Variants in EYS observed in about 807,000 individuals in gnomAD.
EYS encodes the protein protein eyes shut homolog.
A neutral mutation model predicts 282.1 loss-of-function variants in EYS; 250 were observed. The observed-to-expected ratio is 0.89, with a 90% confidence interval of 0.80 to 0.98. The LOEUF is 0.98. EYS is among the 50% of genes least tolerant of loss of function. EYS has a pLI of 0.00. For missense variants in EYS, 4,016 were observed against 3,709.0 expected, an observed-to-expected ratio of 1.08 and a Z score of -2.15; for synonymous variants, 1,355 against 1,282.9, an observed-to-expected ratio of 1.06 and a Z score of -1.20.
intron 2 of EYS, among the ~76,000 whole-genome samples, chr6:65,625,172 T>C (rs1351982050): frequency 6.6e-6 from 1 of 152,012 alleles, no homozygotes; most frequent in Non-Finnish European, 1.5e-5. Context: ...GACCTCAATC[T>C]CAAAATCAAA....
chr6:65,016,264 C>A (rs1325050517), intron 13 of EYS, among the ~76,000 whole-genome samples: 8 of 151,894 alleles, frequency 5.3e-5, no homozygotes, highest in Non-Finnish European at 1.5e-5. Context: ...TAGTACGTTA[C>A]TTTCAAATGT....
In EYS at chr6:64,904,639, G is replaced by A. The variant is rs1245463414; in HGVS notation, c.2642-2139C>T. Among the ~76,000 whole-genome samples, 5 of 152,074 alleles carry A rather than the reference G, an allele frequency of 3.3e-5. No homozygotes were observed. In the East Asian group the frequency reaches 9.6e-4, roughly 29 times the overall value. ...AAGTCTGGTTAGTTTTCTCTGGGAG[G>A]CAGGGCATTTTGACACTAAAATGAT... On this transcript the variant is annotated intron_variant, in intron 16 of 42. Coordinates refer to ENST00000503581, the MANE Select transcript of EYS (RefSeq NM_001142800.2).
At chr6:64,169,428 GGAGTTTT>G (rs951541478) in intron 31 of EYS, among the ~76,000 whole-genome samples, 2 of 49,718 alleles carry the variant, frequency 4.0e-5, no homozygotes, top group African/African-American at 1.1e-4. Flanking sequence ...AATTTGAGGA[GGAGTTTT>G]TTTTTTTTTT....
chr6:64,532,338 T>G (rs1049084344), intron 26 of EYS, among the ~76,000 whole-genome samples: 2 of 152,192 alleles, frequency 1.3e-5, no homozygotes, highest in African/African-American at 4.8e-5. Context: ...GAAACCAAAC[T>G]GAGAACCAGT....
chr6:64,947,870 A>T (rs1769343186), intron 14 of EYS, among the ~76,000 whole-genome samples: 1 of 151,738 alleles, frequency 6.6e-6, no homozygotes, highest in Non-Finnish European at 1.5e-5. Flanking sequence ...TATGTTCTGA[A>T]ATTTCTCATA....
chr6:64,626,912 A>C (rs1354809550), intron 22 of EYS, among the ~76,000 whole-genome samples: 1 of 152,212 alleles, frequency 6.6e-6, no homozygotes, highest in Non-Finnish European at 1.5e-5. Flanking sequence ...AGACTCTTAA[A>C]ATGGAGAAAT....
intron 15 of EYS, among the ~76,000 whole-genome samples, chr6:64,938,574 T>C (rs1768987354): frequency 6.6e-6 from 1 of 151,700 alleles, no homozygotes; most frequent in South Asian, 2.1e-4. Context: ...AAGTAGAAAC[T>C]ACACTTCAAG....
chr6:64,389,318 A>T (rs964595250), intron 28 of EYS, among the ~76,000 whole-genome samples: 3 of 152,236 alleles, frequency 2.0e-5, no homozygotes, highest in African/African-American at 7.2e-5. Flanking sequence ...AAAATTAACA[A>T]ATGAATAAAT....
intron 2 of EYS, among the ~76,000 whole-genome samples, chr6:65,540,174 A>T (rs182867915): frequency 1.3e-5 from 2 of 152,204 alleles, no homozygotes. Flanking sequence ...TTCTGTCCCC[A>T]GCTCAATGCT....
intron 5 of EYS, among the ~76,000 whole-genome samples, chr6:65,431,504 T>C (rs1478731797): frequency 1.3e-5 from 2 of 152,008 alleles, no homozygotes; most frequent in African/African-American, 4.8e-5. Context: ...AAATAATATA[T>C]TATTTGTAAT....
chr6:64,251,972 A>C (rs1028686978), intron 30 of EYS, among the ~76,000 whole-genome samples: 1 of 152,168 alleles, frequency 6.6e-6, no homozygotes, highest in Admixed American at 6.6e-5. Flanking sequence ...GGCTGAAAAA[A>C]CAGTATGTGA....
At chr6:64,812,934 A>C (rs1056705997) in intron 22 of EYS, among the ~76,000 whole-genome samples, 4 of 152,058 alleles carry the variant, frequency 2.6e-5, no homozygotes, top group Non-Finnish European at 5.9e-5. Flanking sequence ...GATTGATAGA[A>C]TAATTTGCTT....
intron 13 of EYS, among the ~76,000 whole-genome samples, chr6:65,022,139 T>C (rs1040222001): frequency 6.6e-6 from 1 of 152,216 alleles, no homozygotes; most frequent in African/African-American, 2.4e-5. Context: ...CTAGCGTCTA[T>C]CCATTAGCAT....
intron 30 of EYS, among the ~76,000 whole-genome samples, chr6:64,296,578 ATATATACATATATATATATAT>A (rs1561913744): frequency 3.4e-4 from 2 of 5,922 alleles, no homozygotes; most frequent in African/African-American, 2.2e-3. Flanking sequence ...ATATATATAT[ATATATACATATATATATATAT>A]TTTTTTTTTT....
intron 26 of EYS, among the ~76,000 whole-genome samples, chr6:64,575,108 T>G (rs536684248): frequency 6.6e-6 from 1 of 152,034 alleles, no homozygotes; most frequent in Non-Finnish European, 1.5e-5. Context: ...TGATTGAAAA[T>G]CAAACAGAAA....
Position 65,371,708 on chromosome 6 carries a change from CCTCTCT to C in EYS, c.1299+12672_1299+12677del, listed in dbSNP as rs140879689. Among the ~76,000 whole-genome samples the C allele has an allele frequency of 5.5e-3, 652 of 119,132 alleles. 8 individuals carry two copies. Among genetic ancestry groups the C allele is most frequent in the African/African-American group, 0.019 (540 of 28,416 alleles). The allele number at this position is 119,132 out of a possible 152,430, so 78.2% of individuals were successfully genotyped here. Reference sequence around the variant, plus strand: ...CTTCAAATTCCTCTCTCTCTCTCTCCCTCTCTCTCTCTCTCTCTCTCTCTCTCTCTC... The same window carrying C: ...CTTCAAATTCCTCTCTCTCTCTCTCCCTCTCTCTCTCTCTCTCTCTCTCTC... On this transcript the variant is annotated intron_variant, in intron 8 of 42. Coordinates refer to ENST00000503581, the MANE Select transcript of EYS (RefSeq NM_001142800.2).
intron 35 of EYS, among the ~76,000 whole-genome samples, chr6:63,904,246 T>A (rs1271258528): frequency 1.3e-5 from 2 of 152,202 alleles, no homozygotes; most frequent in Non-Finnish European, 2.9e-5. Context: ...AATGACTCCT[T>A]GACCCGAGTT....
At chr6:64,427,107 A>C (rs571906551) in intron 28 of EYS, among the ~76,000 whole-genome samples, 1 of 152,302 alleles carries the variant, frequency 6.6e-6, no homozygotes, top group South Asian at 2.1e-4. Context: ...GTTTTATTGC[A>C]GTTAGCATGA....
chr6:64,467,714 G>C (rs1775971469), intron 26 of EYS, among the ~76,000 whole-genome samples: 1 of 152,040 alleles, frequency 6.6e-6, no homozygotes. Context: ...CCTAGCCATA[G>C]GCCTGCTCTG....
Sources: gnomAD v4.1 joint callset for allele counts (sites outside exome capture counted in the v4.1 genomes callset) on GRCh38, gnomAD v4.1.1 for gene constraint, MANE v1.5 for transcripts, NCBI Gene and HGNC (gene_info 2026-07-23, HGNC 2026-07-21) for gene names.